AGO3: variants seen among roughly 807,000 people sequenced by gnomAD.
AGO3 encodes the protein protein argonaute-3.
AGO3 carries 16 observed loss-of-function variants against 105.5 expected under a neutral mutation model. That is an observed-to-expected ratio of 0.15 (90% CI 0.10 to 0.23). The LOEUF is 0.23. Ranked by LOEUF, AGO3 falls within the 10% of genes least tolerant of loss-of-function variation. The pLI is 1.00. For synonymous variants in AGO3, 340 were observed against 367.3 expected, an observed-to-expected ratio of 0.93 and a Z score of 0.85; for missense variants, 534 against 1,088.0, an observed-to-expected ratio of 0.49 and a Z score of 7.16.
chr1:35,943,026 G>A (rs984739600), intron 1 of AGO3, among the ~76,000 whole-genome samples: 72 of 150,804 alleles, frequency 4.8e-4, no homozygotes, highest in African/African-American at 1.6e-3. Context: ...TTTTTGAGAC[G>A]GAGTCTCGCT....
intron 12 of AGO3, among the ~76,000 whole-genome samples, chr1:36,029,145 G>A (rs1557698291): frequency 1.3e-5 from 2 of 151,876 alleles, no homozygotes; most frequent in Admixed American, 6.6e-5. Flanking sequence ...ATATGTAAAG[G>A]GCCTAGAATA....
rs1044922872 is a variant in AGO3, at chr1:35,961,519, A to G, written c.192-5436A>G. On this transcript the variant is annotated intron_variant, in intron 2 of 18. Transcript: ENST00000373191. ...TTTCTACTCAGTTTTTCACATGACA[A>G]TCTATCAAAATAGCCAAAAACTTAT... Among the ~76,000 whole-genome samples the G allele has an allele frequency of 2.0e-5, 3 of 152,166 alleles. No homozygotes were observed. In the East Asian group the frequency reaches 5.8e-4, roughly 29 times the overall value.
chr1:35,940,838 A>G (rs12069772), intron 1 of AGO3, among the ~76,000 whole-genome samples: 13,406 of 152,054 alleles, frequency 0.088, 2,053 homozygotes, highest in East Asian at 0.68. Context: ...GTTGGCTGTT[A>G]CTTTTCCAGT....
intron 1 of AGO3, among the ~76,000 whole-genome samples, chr1:35,936,089 C>G (rs2148739286): frequency 6.6e-6 from 1 of 152,244 alleles, no homozygotes; most frequent in Middle Eastern, 3.4e-3. Flanking sequence ...GACCCTCATT[C>G]TTGGCTCATT....
Position 35,931,310 on chromosome 1 carries a change from C to CG in AGO3, c.-116dup. ...GCTCAGGGGAAGCCGTCGCCGCCCCCGCCTCGGGGCCGAGTGAGAGTGCCC... is the reference window on the plus strand; with the variant it reads ...GCTCAGGGGAAGCCGTCGCCGCCCCCGGCCTCGGGGCCGAGTGAGAGTGCCC... On this transcript the variant is annotated 5_prime_UTR_variant, in exon 1 of 19. Coordinates refer to ENST00000373191, the MANE Select transcript of AGO3 (RefSeq NM_024852.4). 3.1e-6 allele frequency: 3 copies of CG among 968,558 alleles called. No individual in the cohort carries two copies. Among genetic ancestry groups the CG allele is most frequent in the Non-Finnish European group, 2.8e-6 (2 of 709,722 alleles). The allele number at this position is 968,558 out of a possible 1,614,324, so 60.0% of individuals were successfully genotyped here.
At chr1:35,970,623 C>A (rs1295838999) in intron 3 of AGO3, among the ~76,000 whole-genome samples, 1 of 151,526 alleles carries the variant, frequency 6.6e-6, no homozygotes, top group Admixed American at 6.6e-5. Context: ...TTAGAGCTTC[C>A]TTTTTCTTTT....
At chr1:36,053,436 C>T (rs1366317935) in intron 17 of AGO3, among the ~76,000 whole-genome samples, 1 of 151,994 alleles carries the variant, frequency 6.6e-6, no homozygotes, top group African/African-American at 2.4e-5. Context: ...CATGCCACTA[C>T]ACCCAGCTCA....
At chr1:36,022,175 C>G (rs1394616210) in intron 11 of AGO3, among the ~76,000 whole-genome samples, 1 of 151,224 alleles carries the variant, frequency 6.6e-6, no homozygotes, top group African/African-American at 2.4e-5. Flanking sequence ...AGTGATCCTC[C>G]TATGTCAGCC....
At chr1:35,985,989 C>T (rs764435658) in intron 5 of AGO3, among the ~76,000 whole-genome samples, 2 of 152,164 alleles carry the variant, frequency 1.3e-5, no homozygotes, top group African/African-American at 4.8e-5. Context: ...ATCAGTGTTA[C>T]CATTTTCTAC....
rs1643147371 is a variant in AGO3, at chr1:36,070,461, G to A, written c.*14716G>A. On this transcript the variant is annotated 3_prime_UTR_variant, in exon 19 of 19. Transcript: ENST00000373191. Reference sequence around the variant, plus strand: ...ACAGGCTTATGCATTTCCATGGGGGGAAGAGATTCTGTTTCTAGGAAATTA... The same window carrying A: ...ACAGGCTTATGCATTTCCATGGGGGAAAGAGATTCTGTTTCTAGGAAATTA... 6.6e-6 allele frequency: 1 copy of A among 152,296 alleles called. No individual in the cohort carries two copies. The highest frequency in any genetic ancestry group is 2.4e-5 in the African/African-American group (1 of 41,550). The allele number at this position is 152,296 out of a possible 1,614,324, so 9.4% of individuals were successfully genotyped here.
Position 36,070,584 on chromosome 1 carries a change from G to C in AGO3, c.*14839G>C, listed in dbSNP as rs147884998. On this transcript the variant is annotated 3_prime_UTR_variant, in exon 19 of 19. Transcript: ENST00000373191. ...AAAAAGGATGCATTTTAGGTACACA[G>C]GGTATGGACGCATTCAACATTTACT... The C allele has an allele frequency of 1.1e-4, 16 of 152,284 alleles. No individual in the cohort carries two copies. Among genetic ancestry groups the C allele is most frequent in the African/African-American group, 3.6e-4 (15 of 41,544 alleles). 9.4% of individuals were successfully genotyped at this position (152,284 alleles called of 1,614,324 possible). A position where few individuals can be genotyped will look rare whatever the true frequency, so the allele number is the denominator to read the frequency against.
At chr1:36,010,280 C>G (rs892888182) in intron 9 of AGO3, among the ~76,000 whole-genome samples, 1 of 151,840 alleles carries the variant, frequency 6.6e-6, no homozygotes, top group Non-Finnish European at 1.5e-5. Flanking sequence ...TTGCTTAGTC[C>G]CCAGTATCAC....
chr1:36,035,616 T>C (rs2148844515), intron 13 of AGO3, among the ~76,000 whole-genome samples: 1 of 152,276 alleles, frequency 6.6e-6, no homozygotes, highest in Non-Finnish European at 1.5e-5. Context: ...GATAAAAATT[T>C]GTGGATCATA....
chr1:35,992,478 C>T (rs1647762767), intron 5 of AGO3, among the ~76,000 whole-genome samples: 1 of 152,062 alleles, frequency 6.6e-6, no homozygotes, highest in African/African-American at 2.4e-5. Flanking sequence ...TTGATATATC[C>T]CCTGTTCTGT....
At chr1:35,945,217 T>TCTTTTC (rs35467166) in intron 1 of AGO3, among the ~76,000 whole-genome samples, 8 of 151,266 alleles carry the variant, frequency 5.3e-5, no homozygotes, top group Admixed American at 3.3e-4. Flanking sequence ...TCTTTTCTTT[T>TCTTTTC]TTTTTTTTAA....
chr1:35,992,471 A>G (rs1300183312), intron 5 of AGO3, among the ~76,000 whole-genome samples: 2 of 152,120 alleles, frequency 1.3e-5, no homozygotes, highest in Non-Finnish European at 2.9e-5. Context: ...CAGAATGTTG[A>G]TATATCCCCT....
chr1:36,062,782 C>G lies in AGO3; in HGVS notation c.*7037C>G, dbSNP rs1370795861. The G allele has an allele frequency of 6.6e-6, 1 of 152,158 alleles. No individual in the cohort carries two copies. The highest frequency in any genetic ancestry group is 1.5e-5 in the Non-Finnish European group (1 of 68,028). The allele number at this position is 152,158 out of a possible 1,614,324, so 9.4% of individuals were successfully genotyped here. A position where few individuals can be genotyped will look rare whatever the true frequency, so the allele number is the denominator to read the frequency against. ...AACAACAACAACAAAAAATACCACA[C>G]CTCAGTAACCTTGTATGCTGCATTA... On this transcript the variant is annotated 3_prime_UTR_variant, in exon 19 of 19. Coordinates refer to ENST00000373191, the MANE Select transcript of AGO3 (RefSeq NM_024852.4).
At chr1:36,013,467 TC>T in intron 9 of AGO3, 162 bp from the exon 10 acceptor site, 1 of 881,248 alleles carries the variant, frequency 1.1e-6, no homozygotes, top group Non-Finnish European at 1.7e-6. Context: ...TGACCCATGG[TC>T]CCCAGGTTAA....
chr1:36,013,338 A>AG (rs1640715724), intron 9 of AGO3: 1 of 217,186 alleles, frequency 4.6e-6, no homozygotes, highest in Non-Finnish European at 9.4e-6. Context: ...GCCTCCCAAA[A>AG]TGCTGAGATC....
Sources: allele counts gnomAD v4.1 joint callset (sites outside exome capture counted in the v4.1 genomes callset), GRCh38; gene constraint gnomAD v4.1.1; transcripts MANE v1.5; gene names NCBI Gene and HGNC (gene_info 2026-07-23, HGNC 2026-07-21).